The following MDGA2 variants were observed in gnomAD, a reference collection of about 807,000 sequenced individuals.
MDGA2 encodes MAM domain containing glycosylphosphatidylinositol anchor 2, also known as MAM domain-containing glycosylphosphatidylinositol anchor protein 2.
MDGA2 carries 40 observed loss-of-function variants against 117.8 expected under a neutral mutation model. That is an observed-to-expected ratio of 0.34 (90% CI 0.26 to 0.44). MDGA2 has a LOEUF of 0.44. Among genes scored for constraint, MDGA2 ranks in the 20% least tolerant of loss-of-function variants. The pLI is 1.00. For missense variants in MDGA2, 1,123 were observed against 1,250.6 expected (o/e 0.90, Z 1.54); for synonymous variants, 452 against 439.0 (o/e 1.03, Z -0.37).
chr14:46,950,085 A>G (rs546145143), intron 9 of MDGA2, among the ~76,000 whole-genome samples: 70 of 152,104 alleles, frequency 4.6e-4, no homozygotes, highest in Non-Finnish European at 1.0e-4. Context: ...TAAATTCCTC[A>G]TTATATGTTT....
At chr14:47,481,709 G>C (rs755328111) in intron 1 of MDGA2, among the ~76,000 whole-genome samples, 1 of 151,870 alleles carries the variant, frequency 6.6e-6, no homozygotes, top group East Asian at 1.9e-4. Context: ...GGCATTCAAA[G>C]ACAAAAACAT....
At chr14:47,396,649 A>G (rs1275539308) in intron 1 of MDGA2, among the ~76,000 whole-genome samples, 1 of 152,212 alleles carries the variant, frequency 6.6e-6, no homozygotes. Flanking sequence ...CAAGAAAAAA[A>G]CAACCCCATC....
At chr14:47,229,903 G>T (rs1353487475) in intron 2 of MDGA2, among the ~76,000 whole-genome samples, 1 of 151,900 alleles carries the variant, frequency 6.6e-6, no homozygotes, top group Non-Finnish European at 1.5e-5. Flanking sequence ...GCTTCAAAAG[G>T]TTTCCCTGAT....
At chr14:46,954,569 A>G (rs1047733413) in intron 9 of MDGA2, among the ~76,000 whole-genome samples, 32 of 151,964 alleles carry the variant, frequency 2.1e-4, no homozygotes, top group African/African-American at 7.5e-4. Context: ...GGGGTTCTTC[A>G]GATTGTGGTT....
intron 8 of MDGA2, among the ~76,000 whole-genome samples, chr14:46,987,929 G>C (rs886555281): frequency 9.3e-6 from 1 of 107,038 alleles, no homozygotes; most frequent in Non-Finnish European, 2.1e-5. Flanking sequence ...TTCTGGGGTG[G>C]GGGGGGGTGC....
Position 47,631,680 on chromosome 14 carries a change from C to T in MDGA2, c.280+42837G>A, listed in dbSNP as rs1018497484. Among the ~76,000 whole-genome samples the T allele has an allele frequency of 3.2e-4, 49 of 152,088 alleles. 1 individual carries two copies. Among genetic ancestry groups the T allele is most frequent in the Admixed American group, 2.9e-3 (45 of 15,264 alleles). On this transcript the variant is annotated intron_variant, in intron 1 of 16. Transcript: ENST00000399232. Reference sequence around the variant, plus strand: ...GTTGACTCTTAATATTTTCCTTTCCCAATTGTTTATTTTCATTGCTGCAAC... The same window carrying T: ...GTTGACTCTTAATATTTTCCTTTCCTAATTGTTTATTTTCATTGCTGCAAC...
intron 8 of MDGA2, among the ~76,000 whole-genome samples, chr14:46,964,918 A>ATTTTTTTTTTTTTTTTTT (rs1566549134): frequency 1.0e-5 from 1 of 95,414 alleles, no homozygotes; most frequent in Non-Finnish European, 1.9e-5. Flanking sequence ...ATATATATTT[A>ATTTTTTTTTTTTTTTTTT]CTTTTTTTTT....
chr14:47,426,614 T>G (rs1176909847), intron 1 of MDGA2, among the ~76,000 whole-genome samples: 1 of 150,624 alleles, frequency 6.6e-6, no homozygotes, highest in Non-Finnish European at 1.5e-5. Flanking sequence ...TAATATTTTG[T>G]AAAAAACATA....
chr14:47,456,370 G>A (rs975452920), intron 1 of MDGA2, among the ~76,000 whole-genome samples: 5 of 146,156 alleles, frequency 3.4e-5, no homozygotes, highest in Admixed American at 1.4e-4. Flanking sequence ...TCGACTCACC[G>A]CAACCTCTGC....
chr14:47,205,226 G>A (rs1377974395), intron 3 of MDGA2, among the ~76,000 whole-genome samples: 6 of 151,948 alleles, frequency 3.9e-5, no homozygotes. Flanking sequence ...GACTTGCTAA[G>A]TCAACTCTTT....
chr14:47,513,158 G>T (rs747789218), intron 1 of MDGA2, among the ~76,000 whole-genome samples: 1 of 152,040 alleles, frequency 6.6e-6, no homozygotes, highest in Admixed American at 6.6e-5. Context: ...TGTTACTGAA[G>T]TAAAGCTCAT....
At chr14:47,195,614 A>T (rs1457491928) in intron 3 of MDGA2, among the ~76,000 whole-genome samples, 1 of 152,106 alleles carries the variant, frequency 6.6e-6, no homozygotes, top group Non-Finnish European at 1.5e-5. Context: ...ATATAAAAAG[A>T]GATAAGTTCA....
At chr14:47,099,252 T>C (rs1401985705) in intron 5 of MDGA2, among the ~76,000 whole-genome samples, 1 of 151,984 alleles carries the variant, frequency 6.6e-6, no homozygotes, top group African/African-American at 2.4e-5. Flanking sequence ...TGTCATTTTG[T>C]TCTAGTATTT....
intron 1 of MDGA2, among the ~76,000 whole-genome samples, chr14:47,666,693 C>CAGTG (rs1242164728): frequency 2.0e-5 from 3 of 152,194 alleles, no homozygotes; most frequent in Non-Finnish European, 4.4e-5. Flanking sequence ...CCTGAGCCAG[C>CAGTG]AGTGGCAACC....
At chr14:47,018,717 C>T (rs1888169570) in intron 8 of MDGA2, among the ~76,000 whole-genome samples, 1 of 110,754 alleles carries the variant, frequency 9.0e-6, no homozygotes, top group South Asian at 2.9e-4. Flanking sequence ...AACTGTAAGG[C>T]TCAAGCCATT....
At chr14:47,299,718 A>G (rs765281170) in intron 2 of MDGA2, among the ~76,000 whole-genome samples, 3 of 152,010 alleles carry the variant, frequency 2.0e-5, no homozygotes, top group Non-Finnish European at 4.4e-5. Flanking sequence ...CCTTGTTTCA[A>G]TTTTTAACAA....
chr14:47,554,879 AT>A (rs1895654843), intron 1 of MDGA2, among the ~76,000 whole-genome samples: 2 of 152,202 alleles, frequency 1.3e-5, no homozygotes, highest in Non-Finnish European at 2.9e-5. Flanking sequence ...TTATGGACCT[AT>A]CTGACCTCTC....
chr14:47,210,888 G>C (rs1165681443), intron 3 of MDGA2, among the ~76,000 whole-genome samples: 1 of 151,930 alleles, frequency 6.6e-6, no homozygotes, highest in South Asian at 2.1e-4. Flanking sequence ...GGAGCCTGAG[G>C]GGGAGGATCC....
intron 2 of MDGA2, among the ~76,000 whole-genome samples, chr14:47,300,354 A>G (rs886967420): frequency 1.4e-4 from 21 of 152,222 alleles, no homozygotes; most frequent in African/African-American, 5.1e-4. Flanking sequence ...GACAATAAGA[A>G]TTATCAATTA....
Sources: allele counts gnomAD v4.1 joint callset (sites outside exome capture counted in the v4.1 genomes callset), GRCh38; gene constraint gnomAD v4.1.1; transcripts MANE v1.5; gene names NCBI Gene and HGNC (gene_info 2026-07-23, HGNC 2026-07-21).